Variants in CDH18 observed in about 807,000 individuals in gnomAD.
The protein encoded by CDH18 is cadherin 18, also known as cadherin-18.
CDH18 carries 31 observed loss-of-function variants against 67.9 expected under a neutral mutation model. The observed-to-expected ratio is 0.46, with a 90% confidence interval of 0.34 to 0.62. The LOEUF (loss-of-function observed/expected upper bound fraction) is 0.62, where lower values mean the gene tolerates loss of function less well. Ranked by LOEUF, CDH18 falls within the 20% of genes least tolerant of loss-of-function variation. The probability of loss-of-function intolerance (pLI) is 0.01; values close to 1 mark genes in which losing one functional copy is unlikely to be tolerated. For synonymous variants in CDH18, 362 were observed against 347.2 expected (o/e 1.04, Z -0.48); for missense variants, 890 against 975.5 (o/e 0.91, Z 1.17).
At chr5:20,521,323 G>A (rs890815067) in intron 1 of CDH18, among the ~76,000 whole-genome samples, 2 of 152,124 alleles carry the variant, frequency 1.3e-5, no homozygotes, top group Non-Finnish European at 2.9e-5. Flanking sequence ...GTGATGTAGA[G>A]GGTGATAAAA....
upstream of CDH18, among the ~76,000 whole-genome samples, chr5:19,990,823 T>A (rs1268265324): frequency 6.6e-6 from 1 of 152,136 alleles, no homozygotes; most frequent in South Asian, 2.1e-4. Flanking sequence ...AGTGAACCAA[T>A]GTGGAATTTG....
chr5:20,459,364 A>G (rs897583061), intron 1 of CDH18, among the ~76,000 whole-genome samples: 1 of 152,198 alleles, frequency 6.6e-6, no homozygotes, highest in Non-Finnish European at 1.5e-5. Flanking sequence ...CTGGATAAAT[A>G]TTCCCAAAGC....
chr5:20,373,938 ATG>A, intron 1 of CDH18, among the ~76,000 whole-genome samples: 1 of 152,312 alleles, frequency 6.6e-6, no homozygotes, highest in Non-Finnish European at 1.5e-5. Flanking sequence ...GATAAAGTAC[ATG>A]TATATAAGTG....
chr5:20,567,682 C>T (rs1758590809), intron 1 of CDH18, among the ~76,000 whole-genome samples: 1 of 152,116 alleles, frequency 6.6e-6, no homozygotes, highest in African/African-American at 2.4e-5. Context: ...ACTCTCTTGG[C>T]AGATCCTAAT....
At chr5:20,188,798 G>C (rs1738301034) in intron 2 of CDH18, among the ~76,000 whole-genome samples, 1 of 135,398 alleles carries the variant, frequency 7.4e-6, no homozygotes, top group African/African-American at 2.8e-5. Context: ...TTCTTTATTT[G>C]CTATTCTTAT....
intron 1 of CDH18, among the ~76,000 whole-genome samples, chr5:20,371,018 C>T (rs558338213): frequency 2.0e-4 from 30 of 150,180 alleles, no homozygotes; most frequent in African/African-American, 6.7e-4. Flanking sequence ...CCCTGGGCGA[C>T]AGGGCGAGAC....
At chr5:19,623,586 C>CTTTTTTTTGG in intron 5 of CDH18, among the ~76,000 whole-genome samples, 1 of 151,254 alleles carries the variant, frequency 6.6e-6, no homozygotes, top group Non-Finnish European at 1.5e-5. Context: ...TCTTATTCTG[C>CTTTTTTTTGG]TTTTTTTTGG....
At chr5:19,935,382 T>C (rs886376888) in intron 2 of CDH18, among the ~76,000 whole-genome samples, 6 of 151,400 alleles carry the variant, frequency 4.0e-5, no homozygotes, top group Admixed American at 1.3e-4. Flanking sequence ...AGACCACTTA[T>C]ATGACAGTGG....
chr5:19,964,909 T>C (rs1222912958), intron 2 of CDH18, among the ~76,000 whole-genome samples: 11 of 152,108 alleles, frequency 7.2e-5, no homozygotes, highest in East Asian at 3.9e-4. Flanking sequence ...CCATTAAAGA[T>C]ATAAGGGCTT....
At chr5:20,532,108 A>G (rs1349971686) in intron 1 of CDH18, among the ~76,000 whole-genome samples, 1 of 152,132 alleles carries the variant, frequency 6.6e-6, no homozygotes, top group African/African-American at 2.4e-5. Flanking sequence ...ATGGAAAGAA[A>G]AGGATACAGC....
At chr5:19,599,294 G>A (rs977751056) in intron 6 of CDH18, among the ~76,000 whole-genome samples, 42 of 152,014 alleles carry the variant, frequency 2.8e-4, no homozygotes, top group Non-Finnish European at 5.7e-4. Flanking sequence ...AGAAATTGAT[G>A]TAAACAATAT....
At chr5:19,791,807 G>A (rs1387436766) in intron 3 of CDH18, among the ~76,000 whole-genome samples, 2 of 152,234 alleles carry the variant, frequency 1.3e-5, no homozygotes, top group African/African-American at 4.8e-5. Context: ...AGAAATAGGA[G>A]GAAAAGAAAT....
At chr5:19,549,608 A>G in intron 8 of CDH18, among the ~76,000 whole-genome samples, 1 of 151,746 alleles carries the variant, frequency 6.6e-6, no homozygotes, top group Non-Finnish European at 1.5e-5. Flanking sequence ...GGAAAAGAAG[A>G]AAATAAAGAA....
intron 2 of CDH18, among the ~76,000 whole-genome samples, chr5:19,921,898 G>A (rs1229335896): frequency 6.6e-6 from 1 of 151,106 alleles, no homozygotes; most frequent in African/African-American, 2.5e-5. Context: ...TATAACCAAA[G>A]GCTAACTCGA....
chr5:20,391,595 T>C (rs1051098215), intron 1 of CDH18, among the ~76,000 whole-genome samples: 1 of 152,052 alleles, frequency 6.6e-6, no homozygotes, highest in Admixed American at 6.6e-5. Context: ...TACTATTAAG[T>C]TTCACAGATT....
intron 5 of CDH18, among the ~76,000 whole-genome samples, chr5:19,612,898 T>A (rs542663970): frequency 6.6e-6 from 1 of 151,926 alleles, no homozygotes; most frequent in South Asian, 2.1e-4. Context: ...CCCAGCACTT[T>A]GGGAGGCCAA....
chr5:19,687,664 C>T (rs918910494), intron 5 of CDH18, among the ~76,000 whole-genome samples: 6 of 152,190 alleles, frequency 3.9e-5, no homozygotes, highest in East Asian at 1.9e-4. Context: ...AGAGACTAGA[C>T]GTCCCTGTTG....
chr5:20,180,676 A>T lies in CDH18; in HGVS notation c.-518+74768T>A, dbSNP rs1737615334. 3.3e-5 allele frequency among the ~76,000 whole-genome samples: 5 copies of T among 152,016 alleles called. No individual in the cohort carries two copies. The South Asian group carries it at 1.0e-3, about 32-fold the overall frequency. ...ACTAACCTACCCCTGCCCTCACTAA[A>T]CTTAATAGTAAGTGCTGGTATATCC... On this transcript the variant is annotated intron_variant, in intron 2 of 14. Coordinates refer to the CDH18 transcript ENST00000507958.
intron 6 of CDH18, among the ~76,000 whole-genome samples, chr5:19,605,566 C>A (rs1747900439): frequency 6.6e-6 from 1 of 151,948 alleles, no homozygotes; most frequent in Non-Finnish European, 1.5e-5. Flanking sequence ...GTGGAATGAT[C>A]TTTCAAATCT....
Sources: gnomAD v4.1 joint callset for allele counts (sites outside exome capture counted in the v4.1 genomes callset) on GRCh38, gnomAD v4.1.1 for gene constraint, MANE v1.5 for transcripts, NCBI Gene and HGNC (gene_info 2026-07-23, HGNC 2026-07-21) for gene names.